NOL6: variants seen among roughly 807,000 people sequenced by gnomAD.
NOL6 encodes the protein nucleolar protein 6, also known as nucleolar RNA-associated protein.
Under a neutral mutation model 131.7 loss-of-function variants are expected in NOL6, and 33 were observed. That is an observed-to-expected ratio of 0.25 (90% CI 0.19 to 0.33). The LOEUF (loss-of-function observed/expected upper bound fraction) is 0.33. NOL6 is among the 10% of genes least tolerant of loss of function. The pLI is 1.00. For missense variants in NOL6, 1,297 were observed against 1,494.5 expected (o/e 0.87, Z 2.18); for synonymous variants, 580 against 605.7 (o/e 0.96, Z 0.62).
In NOL6 at chr9:33,472,205, C is replaced by A; in HGVS notation, c.261+1G>T. On this transcript the variant is annotated splice_donor_variant, in intron 2 of 25. Transcript: ENST00000297990. LOFTEE classifies it high-confidence loss of function. ...CAAAAGCTGCAGACACTCAACAGTA[C>A]CTGTAAACGAAGCAAGCTGGAGTGG... 1.2e-6 allele frequency: 2 copies of A among 1,614,184 alleles called. No individual in the cohort carries two copies. The highest frequency in any genetic ancestry group is 1.7e-6 in the Non-Finnish European group (2 of 1,180,002).
intron 3 of NOL6, among the ~76,000 whole-genome samples, chr9:33,471,150 C>T (rs1410044978): frequency 1.3e-5 from 2 of 152,180 alleles, no homozygotes; most frequent in Admixed American, 1.3e-4. Context: ...ATAATCCCAG[C>T]TACTCGGGAG....
chr9:33,465,199 G>T lies in NOL6; in HGVS notation c.2681+8C>A. On this transcript the variant is annotated splice_region_variant and intron_variant, in intron 20 of 25. Coordinates refer to ENST00000297990, the MANE Select transcript of NOL6 (RefSeq NM_022917.5). ...CTTCTCAGCTGGGGAAAAAGTGGAG[G>T]GAATCACCTCGGAGGGGTGAAGGGC... 6.3e-7 allele frequency: 1 copy of T among 1,585,888 alleles called. No homozygotes were observed.
rs749377289 is a variant in NOL6 at position 33,467,224 on chromosome 9, C to A, written c.1764G>T (p.Glu588Asp). The A allele has an allele frequency of 1.9e-6, 3 of 1,614,204 alleles. No homozygotes were observed. Among genetic ancestry groups the A allele is most frequent in the South Asian group, 1.1e-5 (1 of 91,084 alleles). Residue 588 changes from glutamate to aspartate, a missense_variant, in exon 14 of 26, where the codon GAG becomes GAT. By Grantham distance (45) the Glu-to-Asp change is conservative. Coordinates refer to ENST00000297990, the MANE Select transcript of NOL6 (RefSeq NM_022917.5). The surrounding 1 kb of genome is among the most constrained non-coding windows in gnomAD (Gnocchi z 4.4). Reference protein sequence around the residue: ...KFRQFWGSRSELRRFQDGAIR... With the variant: ...KFRQFWGSRSDLRRFQDGAIR... ...TGGCTCCGTCCTGGAAACGCCGAAG[C>A]TCCGAGCGGGATCCCCAGAACTGGC...
intron 10 of NOL6, 79 bp from the exon 11 acceptor site, chr9:33,468,224 C>G: frequency 6.2e-7 from 1 of 1,610,382 alleles, no homozygotes. Flanking sequence ...CTAAACTTAA[C>G]TCTTTGAAGA....
intron 3 of NOL6, 100 bp from the exon 4 acceptor site, chr9:33,470,291 C>T (rs1482605514): frequency 1.9e-6 from 2 of 1,062,420 alleles, no homozygotes; most frequent in South Asian, 2.2e-5. Flanking sequence ...ATGTTTGAAA[C>T]CAAACTCCCA....
At position 33,462,124 on chromosome 9, in the gene NOL6, A is replaced by T. The variant is rs544327514; in HGVS notation, c.*540T>A. On this transcript the variant is annotated 3_prime_UTR_variant, in exon 26 of 26. Coordinates refer to ENST00000297990, the MANE Select transcript of NOL6 (RefSeq NM_022917.5). The stretch of plus-strand genomic sequence containing the variant: ...CACAGGAGGGCATTGTGCTCCTTCA[A>T]TGTGGTCTATTCATACACATATAGC... 1 of 717,156 alleles carries T rather than the reference A, an allele frequency of 1.4e-6. No homozygotes were observed. The highest frequency in any genetic ancestry group is 1.7e-5 in the African/African-American group (1 of 57,214). 44.4% of individuals were successfully genotyped at this position (717,156 alleles called of 1,614,324 possible).
chr9:33,466,751 G>T lies in NOL6; in HGVS notation c.1951-42C>A, dbSNP rs753751763. 5.6e-6 allele frequency: 9 copies of T among 1,607,144 alleles called. No individual in the cohort carries two copies. In the Admixed American group the frequency reaches 1.3e-4, roughly 24 times the overall value. ...GGTCAGGAGGCTGGACCCTACAGAAGGCCAGCTTCACCTGGATTCTGCCCC... is the reference window on the plus strand; with the variant it reads ...GGTCAGGAGGCTGGACCCTACAGAATGCCAGCTTCACCTGGATTCTGCCCC... On this transcript the variant is annotated intron_variant, in intron 15 of 25. Transcript: ENST00000297990.
chr9:33,469,878 T>C, intron 4 of NOL6, 134 bp downstream of exon 4: 1 of 1,067,990 alleles, frequency 9.4e-7, no homozygotes, highest in Non-Finnish European at 1.3e-6. Flanking sequence ...GCCTTCAGGA[T>C]GCCTGCAATG....
rs552138670 is a variant in NOL6, at chr9:33,468,420, C to T, written c.1209G>A (p.Pro403=). ...AGGCCTGGTGGAAGTCAGCCAGGGCCGGCTTGGGGGGTGTAGAGAGAAGCA... is the reference window on the plus strand; with the variant it reads ...AGGCCTGGTGGAAGTCAGCCAGGGCTGGCTTGGGGGGTGTAGAGAGAAGCA... ...SLCLSSDPSL[P]ALADFHQAFS... The change falls in exon 10 of 26, where the codon CCG becomes CCA. Residue 403 remains proline (P), a splice_region_variant and synonymous_variant. Transcript: ENST00000297990. The T allele has an allele frequency of 3.3e-5, 53 of 1,614,074 alleles. No homozygotes were observed. In the East Asian group the frequency reaches 3.6e-4, roughly 11 times the overall value.
At position 33,464,151 on chromosome 9, in the gene NOL6, C is replaced by A. The variant is rs1455201868; in HGVS notation, c.2790G>T (p.Gln930His). ...CCAGGAAGCCACTGCGGATCTCCAC[C>A]TGCTCCTCCACTAGAGACAAGAATG... ...NLNNELTVEE[Q>H]VEIRSGFLAA... Residue 930 changes from glutamine (Q) to histidine (H), a missense_variant, in exon 22 of 26, where the codon CAG (glutamine) becomes CAT (histidine). By Grantham distance (24) the Gln-to-His change is conservative (BLOSUM62 0). Coordinates refer to ENST00000297990, the MANE Select transcript of NOL6 (RefSeq NM_022917.5). 6.2e-7 allele frequency: 1 copy of A among 1,609,078 alleles called. No individual in the cohort carries two copies. The highest frequency in any genetic ancestry group is 8.5e-7 in the Non-Finnish European group (1 of 1,177,496).
At chr9:33,471,176 T>C (rs1013420816) in intron 3 of NOL6, among the ~76,000 whole-genome samples, 4 of 152,206 alleles carry the variant, frequency 2.6e-5, no homozygotes, top group East Asian at 1.9e-4. Flanking sequence ...GGCAGGAGAA[T>C]AGCTTGAACC....
Position 33,470,302 on chromosome 9 carries a change from AT to A in NOL6, c.379-112del, listed in dbSNP as rs1827374675. The A allele has an allele frequency of 3.1e-6, 3 of 964,462 alleles. No homozygotes were observed. In the African/African-American group the frequency reaches 5.1e-5, roughly 16 times the overall value. The allele number at this position is 964,462 out of a possible 1,614,324, so 59.7% of individuals were successfully genotyped here. A position where few individuals can be genotyped will look rare whatever the true frequency, so the allele number is the denominator to read the frequency against. On this transcript the variant is annotated intron_variant, in intron 3 of 25. Coordinates refer to ENST00000297990, the MANE Select transcript of NOL6 (RefSeq NM_022917.5). ...CGATATGTTTGAAACCAAACTCCCA[AT>A]CTTCCCATAACTATGTCTTCCTTGC...
chr9:33,462,492 G>C lies in NOL6; in HGVS notation c.*172C>G, dbSNP rs1827118956. The C allele has an allele frequency of 4.2e-6, 3 of 715,930 alleles. No individual in the cohort carries two copies. Among genetic ancestry groups the C allele is most frequent in the Non-Finnish European group, 6.9e-6 (3 of 435,024 alleles). 44.3% of individuals were successfully genotyped at this position (715,930 alleles called of 1,614,324 possible). On this transcript the variant is annotated 3_prime_UTR_variant, in exon 26 of 26. Coordinates refer to ENST00000297990, the MANE Select transcript of NOL6 (RefSeq NM_022917.5). ...ACCATGCCCCTGCCCCAATGCTGGA[G>C]CATCAGAGAGAAAGTTGGGGCTGGG...
Position 33,467,117 on chromosome 9 carries a change from G to C in NOL6, c.1871C>G (p.Ala624Gly), listed in dbSNP as rs769717209. 6.2e-7 allele frequency: 1 copy of C among 1,614,188 alleles called. No individual in the cohort carries two copies. The highest frequency in any genetic ancestry group is 8.5e-7 in the Non-Finnish European group (1 of 1,180,036). ...IPHQVVTHLL[A>G]LHADIPETCV... The stretch of plus-strand genomic sequence containing the variant: ...GAATCCAGATGCCAACACTCACAGT[G>C]CCAAGAGGTGGGTGACCACCTGGTG... Residue 624 changes from alanine (A) to glycine (G), a missense_variant, in exon 14 of 26, where the codon GCA becomes GGA. Transcript: ENST00000297990. This position sits in a 1 kb window ranked among gnomAD's most constrained non-coding sequence, Gnocchi z 4.4.
At chr9:33,471,496 C>T (rs1213730432) in intron 3 of NOL6, among the ~76,000 whole-genome samples, 1 of 152,210 alleles carries the variant, frequency 6.6e-6, no homozygotes, top group Non-Finnish European at 1.5e-5. Flanking sequence ...GCCTTTGTGC[C>T]TTTGTACTGG....
Position 33,463,330 on chromosome 9 carries a change from C to T in NOL6, c.3106G>A (p.Gly1036Ser). The T allele has an allele frequency of 6.2e-7, 1 of 1,614,106 alleles. No individual in the cohort carries two copies. The highest frequency in any genetic ancestry group is 8.5e-7 in the Non-Finnish European group (1 of 1,180,002). The change falls in exon 24 of 26, where the codon GGC (glycine) becomes AGC (serine). Residue 1036 changes from glycine to serine, a missense_variant. Physicochemically the swap from Gly to Ser is moderately conservative, Grantham distance 56. Transcript: ENST00000297990. ...VDSPAASFCRGLLSQPGPSSL... is the reference protein window; with the variant it reads ...VDSPAASFCRSLLSQPGPSSL... ...GAGGGCCCCGGCTGGCTGAGCAGGCCCCGGCAGAAGGAGGCAGCTGGCGAG... is the reference window on the plus strand; with the variant it reads ...GAGGGCCCCGGCTGGCTGAGCAGGCTCCGGCAGAAGGAGGCAGCTGGCGAG...
Position 33,466,144 on chromosome 9 carries a change from C to A in NOL6, c.2291G>T (p.Arg764Leu), listed in dbSNP as rs111688613. 3 of 1,613,196 alleles carry A rather than the reference C, an allele frequency of 1.9e-6. No homozygotes were observed. Among genetic ancestry groups the A allele is most frequent in the Non-Finnish European group, 2.5e-6 (3 of 1,179,692 alleles). ...VQRVRAAFQL[R>L]LAELLTQQHG... ...CTGTTGTGTCAACAGCTCTGCCAGGCGCAGCTGGAAGGCAGCTCGGACCCG... is the reference window on the plus strand; with the variant it reads ...CTGTTGTGTCAACAGCTCTGCCAGGAGCAGCTGGAAGGCAGCTCGGACCCG... The change falls in exon 18 of 26, where the codon CGC (arginine) becomes CTC (leucine). Residue 764 changes from arginine to leucine, a missense_variant. By Grantham distance (102) the Arg-to-Leu change is moderately radical. Coordinates refer to ENST00000297990, the MANE Select transcript of NOL6 (RefSeq NM_022917.5).
At position 33,464,070 on chromosome 9, in the gene NOL6, G is replaced by T. The variant is rs767558987; in HGVS notation, c.2871C>A (p.Asn957Lys). 1 of 1,613,672 alleles carries T rather than the reference G, an allele frequency of 6.2e-7. No homozygotes were observed. Among genetic ancestry groups the T allele is most frequent in the African/African-American group, 1.3e-5 (1 of 74,866 alleles). Residue 957 changes from asparagine (N) to lysine (K), a missense_variant, in exon 22 of 26, where the codon AAC becomes AAA. Asn to Lys is a moderately conservative substitution (Grantham distance 94). Transcript: ENST00000297990. The part of the protein sequence containing the change: ...MVIVTPQDRK[N>K]SVWTQDGPSA... ...AGGGTCCATCCTGTGTCCACACAGA[G>T]TTTTTGCGGTCTTGGGGGGTAACAA...
At chr9:33,469,163 C>A in intron 6 of NOL6, 42 bp from the exon 7 acceptor site, 1 of 1,614,120 alleles carries the variant, frequency 6.2e-7, no homozygotes, top group South Asian at 1.1e-5. Context: ...AAAGTCCCCA[C>A]ACCTCTTCCC....
Sources: gnomAD v4.1 joint callset for allele counts (sites outside exome capture counted in the v4.1 genomes callset) on GRCh38, gnomAD v4.1.1 for gene constraint, Gnocchi (gnomAD v3.1) non-coding constraint, MANE v1.5 for transcripts, NCBI Gene and HGNC (gene_info 2026-07-23, HGNC 2026-07-21) for gene names.